The following CSNK1A1 variants were observed in gnomAD, a reference collection of about 807,000 sequenced individuals.
The protein encoded by CSNK1A1 is casein kinase 1 alpha 1, also known as casein kinase I isoform alpha.
In CSNK1A1, 7 loss-of-function variants were observed where a neutral mutation model predicts 46.1. The ratio of observed to expected loss-of-function variants is 0.15; its 90% confidence interval spans 0.09 to 0.29. CSNK1A1 has a LOEUF of 0.29. CSNK1A1 is among the 10% of genes least tolerant of loss of function. The pLI is 1.00. For missense variants in CSNK1A1, 96 were observed against 417.1 expected, an observed-to-expected ratio of 0.23 and a Z score of 6.71; for synonymous variants, 137 against 141.5, an observed-to-expected ratio of 0.97 and a Z score of 0.23.
intron 5 of CSNK1A1, among the ~76,000 whole-genome samples, chr5:149,512,670 T>C (rs540990892): frequency 5.9e-5 from 9 of 152,336 alleles, no homozygotes; most frequent in Middle Eastern, 6.8e-3. Flanking sequence ...TTTGGTTTAT[T>C]AGGACACTGA....
At position 149,506,706 on chromosome 5, in the gene CSNK1A1, T is replaced by G. The variant is rs138156031; in HGVS notation, c.857+321A>C. On this transcript the variant is annotated intron_variant, in intron 8 of 9. Transcript: ENST00000377843. ...GACTATGTGATATTTTAATTGCTTT[T>G]TATTTGGTACTGTACAAAGTTGGAG... Among the ~76,000 whole-genome samples, 862 of 152,320 alleles carry G rather than the reference T, an allele frequency of 5.7e-3. 12 individuals are homozygous for G. Among genetic ancestry groups the G allele is most frequent in the African/African-American group, 0.019 (802 of 41,572 alleles).
chr5:149,512,531 T>C (rs1761260737), intron 5 of CSNK1A1, among the ~76,000 whole-genome samples: 1 of 152,246 alleles, frequency 6.6e-6, no homozygotes, highest in East Asian at 1.9e-4. Context: ...TGAAAGGAAC[T>C]CGAAACTCTA....
At chr5:149,498,629 T>A in intron 9 of CSNK1A1, 1 of 985,356 alleles carries the variant, frequency 1.0e-6, no homozygotes, top group Non-Finnish European at 1.2e-6. Flanking sequence ...AATTCCCCCA[T>A]CAGGATTTGG....
intron 2 of CSNK1A1, among the ~76,000 whole-genome samples, chr5:149,531,919 T>C (rs1218185293): frequency 6.6e-6 from 1 of 152,130 alleles, no homozygotes; most frequent in South Asian, 2.1e-4. Context: ...GATCTCACTG[T>C]GTCGCCCAGG....
At chr5:149,504,151 A>AT in intron 9 of CSNK1A1, 1 of 985,454 alleles carries the variant, frequency 1.0e-6, no homozygotes, top group Non-Finnish European at 1.2e-6. Flanking sequence ...CTGTGTGAAC[A>AT]TTAGGGTTTG....
At chr5:149,532,546 A>G (rs1761936135) in intron 2 of CSNK1A1, among the ~76,000 whole-genome samples, 1 of 152,104 alleles carries the variant, frequency 6.6e-6, no homozygotes, top group Non-Finnish European at 1.5e-5. Context: ...TGCAAATATC[A>G]GCCGGGCGTG....
At chr5:149,519,591 C>T (rs1473321265) in intron 4 of CSNK1A1, among the ~76,000 whole-genome samples, 1 of 152,156 alleles carries the variant, frequency 6.6e-6, no homozygotes, top group Admixed American at 6.6e-5. Context: ...AGCTAAAACC[C>T]AATCACCCCA....
intron 3 of CSNK1A1, among the ~76,000 whole-genome samples, chr5:149,522,796 A>G (rs1761611913): frequency 6.6e-6 from 1 of 152,214 alleles, no homozygotes; most frequent in Admixed American, 6.5e-5. Context: ...AGAGACTTCT[A>G]CAACTCTACA....
At chr5:149,536,973 C>T (rs1762078264) in intron 2 of CSNK1A1, among the ~76,000 whole-genome samples, 2 of 152,280 alleles carry the variant, frequency 1.3e-5, no homozygotes, top group South Asian at 4.1e-4. Flanking sequence ...CTTAATATAA[C>T]CCTATTTATT....
At chr5:149,516,472 T>C (rs1202153323) in intron 4 of CSNK1A1, among the ~76,000 whole-genome samples, 5 of 127,770 alleles carry the variant, frequency 3.9e-5, no homozygotes, top group African/African-American at 1.7e-4. Context: ...ACTTGCAGCA[T>C]TTTTTTTTTT....
chr5:149,493,089 G>A lies in CSNK1A1; in HGVS notation c.*3764C>T, dbSNP rs192283713. On this transcript the variant is annotated 3_prime_UTR_variant, in exon 10 of 10. Transcript: ENST00000377843. ...ATGTATCCACCTTTTTGTTGTTGTT[G>A]AGACGGAGTCTCACTGCAACGCCCA... is the stretch of plus-strand genomic sequence containing the variant. 3.3e-5 allele frequency: 5 copies of A among 152,306 alleles called. No individual in the cohort carries two copies. The East Asian group carries it at 9.7e-4, about 29-fold the overall frequency. The allele number at this position is 152,306 out of a possible 1,614,324, so 9.4% of individuals were successfully genotyped here.
chr5:149,500,985 C>A, intron 9 of CSNK1A1: 2 of 985,376 alleles, frequency 2.0e-6, no homozygotes, highest in Non-Finnish European at 2.4e-6. Flanking sequence ...TTCTGCTACA[C>A]ATTTCTGACG....
At chr5:149,528,057 C>T (rs1761775043) in intron 2 of CSNK1A1, among the ~76,000 whole-genome samples, 1 of 152,204 alleles carries the variant, frequency 6.6e-6, no homozygotes, top group South Asian at 2.1e-4. Context: ...AAGAAATCAT[C>T]TGCAAAGTAA....
intron 8 of CSNK1A1, 84 bp from the exon 9 acceptor site, chr5:149,505,679 G>T: frequency 8.8e-7 from 1 of 1,131,648 alleles, no homozygotes; most frequent in Non-Finnish European, 1.3e-6. Flanking sequence ...GACAGTGACA[G>T]CATTTCTTTA....
Position 149,550,058 on chromosome 5 carries a change from A to C in CSNK1A1, c.230+17T>G. Reference sequence around the variant, plus strand: ...GTGCTTCCCTCAGCGGATCGCCTATATGCACCGGGTTCTTACCGTATGTGG... The same window carrying C: ...GTGCTTCCCTCAGCGGATCGCCTATCTGCACCGGGTTCTTACCGTATGTGG... On this transcript the variant is annotated intron_variant, in intron 2 of 9. Coordinates refer to ENST00000377843, the MANE Select transcript of CSNK1A1 (RefSeq NM_001892.6). This position sits in a 1 kb window ranked among gnomAD's most constrained non-coding sequence, Gnocchi z 4.3. 1 of 1,610,910 alleles carries C rather than the reference A, an allele frequency of 6.2e-7. No homozygotes were observed.
At chr5:149,516,916 G>GT (rs1761422966) in intron 4 of CSNK1A1, among the ~76,000 whole-genome samples, 1 of 152,042 alleles carries the variant, frequency 6.6e-6, no homozygotes, top group East Asian at 1.9e-4. Flanking sequence ...CATGTTTTTT[G>GT]TTTTTTGATT....
At chr5:149,539,121 C>T (rs890386451) in intron 2 of CSNK1A1, among the ~76,000 whole-genome samples, 2 of 151,948 alleles carry the variant, frequency 1.3e-5, no homozygotes, top group Non-Finnish European at 2.9e-5. Context: ...TTTCATACAT[C>T]GATTTTAGAC....
At chr5:149,498,789 C>T (rs1760734498) in intron 9 of CSNK1A1, 2 of 983,684 alleles carry the variant, frequency 2.0e-6, no homozygotes, top group Non-Finnish European at 2.4e-6. Context: ...AAGGGAAAAC[C>T]ACCATCACTA....
At chr5:149,544,737 T>TTATATATGTATATATATA (rs1762410555) in intron 2 of CSNK1A1, among the ~76,000 whole-genome samples, 1 of 80,806 alleles carries the variant, frequency 1.2e-5, no homozygotes, top group Non-Finnish European at 2.2e-5. Context: ...GTAAAGAGCT[T>TTATATATGTATATATATA]TATATATATA....
Sources: gnomAD v4.1 joint callset for allele counts (sites outside exome capture counted in the v4.1 genomes callset) on GRCh38, gnomAD v4.1.1 for gene constraint, Gnocchi (gnomAD v3.1) non-coding constraint, MANE v1.5 for transcripts, NCBI Gene and HGNC (gene_info 2026-07-23, HGNC 2026-07-21) for gene names.